L3MBTL3: variants seen among roughly 807,000 people sequenced by gnomAD.
L3MBTL3 encodes the protein L3MBTL histone methyl-lysine binding protein 3.
In L3MBTL3, 27 loss-of-function variants were observed where a neutral mutation model predicts 102.3. That is an observed-to-expected ratio of 0.26 (90% CI 0.19 to 0.36). The LOEUF is 0.36. Among genes scored for constraint, L3MBTL3 ranks in the 10% least tolerant of loss-of-function variants. The probability of loss-of-function intolerance (pLI) is 1.00; values close to 1 mark genes in which losing one functional copy is unlikely to be tolerated. For synonymous variants in L3MBTL3, 340 were observed against 320.9 expected (o/e 1.06, Z -0.64); for missense variants, 798 against 955.3 (o/e 0.84, Z 2.17).
intron 13 of L3MBTL3, 65 bp downstream of exon 13, chr6:130,071,192 CA>C: frequency 7.1e-7 from 1 of 1,411,940 alleles, no homozygotes; most frequent in Non-Finnish European, 9.8e-7. Context: ...GGTTTGAAAA[CA>C]GTAATAGTGC....
intron 3 of L3MBTL3, among the ~76,000 whole-genome samples, chr6:130,047,646 G>T (rs2114740638): frequency 6.6e-6 from 1 of 152,276 alleles, no homozygotes; most frequent in Middle Eastern, 3.4e-3. Flanking sequence ...GAAGTGCATT[G>T]TCAAGCTTGT....
intron 2 of L3MBTL3, among the ~76,000 whole-genome samples, chr6:130,040,169 A>G (rs1363337350): frequency 1.3e-5 from 2 of 152,046 alleles, no homozygotes; most frequent in African/African-American, 2.4e-5. Flanking sequence ...TCTACTAAAA[A>G]TGCAAAAAAT....
chr6:130,077,603 G>A (rs1783035708), intron 13 of L3MBTL3, among the ~76,000 whole-genome samples: 1 of 152,214 alleles, frequency 6.6e-6, no homozygotes, highest in Admixed American at 6.6e-5. Flanking sequence ...AGAAAGTTTG[G>A]CTTCGTTGAC....
chr6:130,127,756 A>G (rs1331180295), intron 20 of L3MBTL3, among the ~76,000 whole-genome samples: 6 of 152,192 alleles, frequency 3.9e-5, no homozygotes, highest in Non-Finnish European at 8.8e-5. Flanking sequence ...CCACAAGTGC[A>G]TTAAATTGCT....
intron 14 of L3MBTL3, among the ~76,000 whole-genome samples, chr6:130,079,354 C>A (rs995401417): frequency 1.3e-5 from 2 of 152,168 alleles, no homozygotes; most frequent in South Asian, 2.1e-4. Flanking sequence ...AGTCATAGAG[C>A]CTTCTCAGCT....
chr6:130,096,596 C>G (rs1343685650), intron 18 of L3MBTL3, among the ~76,000 whole-genome samples: 1 of 152,170 alleles, frequency 6.6e-6, no homozygotes, highest in Non-Finnish European at 1.5e-5. Context: ...CCTTTCACAG[C>G]AAGGCCCGTG....
At chr6:130,028,038 A>G (rs1458191264) in intron 2 of L3MBTL3, among the ~76,000 whole-genome samples, 1 of 151,656 alleles carries the variant, frequency 6.6e-6, no homozygotes, top group African/African-American at 2.4e-5. Context: ...CCATAGGCCC[A>G]TTAATGTCAG....
At chr6:130,128,078 A>T (rs997552586) in intron 20 of L3MBTL3, among the ~76,000 whole-genome samples, 2 of 152,116 alleles carry the variant, frequency 1.3e-5, no homozygotes, top group Admixed American at 1.3e-4. Flanking sequence ...CTCTCTGTGG[A>T]TGGATGTAGC....
At chr6:130,138,825 G>T (rs1787995490) in intron 22 of L3MBTL3, among the ~76,000 whole-genome samples, 1 of 151,988 alleles carries the variant, frequency 6.6e-6, no homozygotes, top group South Asian at 2.1e-4. Context: ...CTGTTTCTTT[G>T]CTCTGCCCAG....
At chr6:130,110,497 T>C (rs1785283241) in intron 19 of L3MBTL3, among the ~76,000 whole-genome samples, 1 of 152,220 alleles carries the variant, frequency 6.6e-6, no homozygotes, top group South Asian at 2.1e-4. Context: ...TCTCTGTTTG[T>C]CTATTATTGG....
intron 2 of L3MBTL3, among the ~76,000 whole-genome samples, chr6:130,033,881 G>T (rs1419176784): frequency 6.6e-6 from 1 of 152,240 alleles, no homozygotes; most frequent in African/African-American, 2.4e-5. Context: ...AATATTTGGA[G>T]AACAGTGGTT....
At chr6:130,067,008 A>G (rs1398921759) in intron 11 of L3MBTL3, among the ~76,000 whole-genome samples, 2 of 152,166 alleles carry the variant, frequency 1.3e-5, no homozygotes, top group African/African-American at 2.4e-5. Flanking sequence ...TACTTTTCTT[A>G]TATTTGAGTA....
intron 19 of L3MBTL3, among the ~76,000 whole-genome samples, chr6:130,108,231 G>GTTT (rs869221525): frequency 3.7e-4 from 34 of 91,046 alleles, no homozygotes; most frequent in Non-Finnish European, 4.5e-4. Context: ...TTTTTTTTTT[G>GTTT]TTTTTTTTTT....
chr6:130,047,231 G>T (rs1780782069), intron 3 of L3MBTL3, among the ~76,000 whole-genome samples: 1 of 151,976 alleles, frequency 6.6e-6, no homozygotes, highest in South Asian at 2.1e-4. Flanking sequence ...GTCCATCTGT[G>T]GATCTCTGGC....
intron 13 of L3MBTL3, among the ~76,000 whole-genome samples, chr6:130,073,045 T>C (rs927286404): frequency 1.3e-5 from 2 of 152,286 alleles, no homozygotes; most frequent in African/African-American, 2.4e-5. Flanking sequence ...TACTGTGTTC[T>C]TCTGTTCCTC....
intron 2 of L3MBTL3, among the ~76,000 whole-genome samples, chr6:130,028,258 G>A (rs904842836): frequency 1.3e-5 from 2 of 152,070 alleles, no homozygotes; most frequent in African/African-American, 2.4e-5. Flanking sequence ...GATCTCCATG[G>A]CAGACAAGGT....
At chr6:130,114,033 A>C (rs1458499466) in intron 19 of L3MBTL3, among the ~76,000 whole-genome samples, 1 of 152,198 alleles carries the variant, frequency 6.6e-6, no homozygotes, top group African/African-American at 2.4e-5. Context: ...AAGTAATTTC[A>C]ATGACTAGGC....
At chr6:130,135,058 TTC>T (rs1311944540) in intron 22 of L3MBTL3, among the ~76,000 whole-genome samples, 1 of 151,778 alleles carries the variant, frequency 6.6e-6, no homozygotes, top group African/African-American at 2.4e-5. Flanking sequence ...TCAATTCATT[TTC>T]TGTTTTTTCC....
intron 2 of L3MBTL3, among the ~76,000 whole-genome samples, chr6:130,022,800 C>T (rs1292812982): frequency 6.6e-6 from 1 of 152,116 alleles, no homozygotes; most frequent in Non-Finnish European, 1.5e-5. Flanking sequence ...TGACTTGTGC[C>T]AAGTGCCATG....
Sources: gnomAD v4.1 joint callset for allele counts (sites outside exome capture counted in the v4.1 genomes callset) on GRCh38, gnomAD v4.1.1 for gene constraint, MANE v1.5 for transcripts, NCBI Gene and HGNC (gene_info 2026-07-23, HGNC 2026-07-21) for gene names.